Variants in MACROD2 observed in about 807,000 individuals in gnomAD.
MACROD2 encodes mono-ADP ribosylhydrolase 2.
Under a neutral mutation model 70.4 loss-of-function variants are expected in MACROD2, and 36 were observed. The ratio of observed to expected loss-of-function variants is 0.51; its 90% CI spans 0.39 to 0.68. The LOEUF is 0.68. Among genes scored for constraint, MACROD2 ranks in the 30% least tolerant of loss-of-function variants. The probability of loss-of-function intolerance (pLI) is 0.00; values close to 1 mark genes in which losing one functional copy is unlikely to be tolerated. For missense variants in MACROD2, 496 were observed against 538.4 expected (o/e 0.92, Z 0.78); for synonymous variants, 172 against 178.8 (o/e 0.96, Z 0.30).
At chr20:15,032,997 C>T (rs115561038) in intron 5 of MACROD2, among the ~76,000 whole-genome samples, 103 of 152,308 alleles carry the variant, frequency 6.8e-4, no homozygotes, top group African/African-American at 2.4e-3. Context: ...TATGATTCCA[C>T]TTATACGAGG....
intron 3 of MACROD2, chr20:14,325,248 T>C (rs1237739287): frequency 4.9e-6 from 1 of 203,572 alleles, no homozygotes; most frequent in Non-Finnish European, 9.8e-6. Flanking sequence ...CAAGTCATCT[T>C]ACTCAGTAGA....
chr20:14,721,396 C>G (rs1274697753), intron 5 of MACROD2, among the ~76,000 whole-genome samples: 1 of 152,014 alleles, frequency 6.6e-6, no homozygotes, highest in Non-Finnish European at 1.5e-5. Flanking sequence ...GATACTGTCT[C>G]AAAAACAAAT....
chr20:14,222,478 A>T (rs544005347), intron 3 of MACROD2, among the ~76,000 whole-genome samples: 1 of 152,270 alleles, frequency 6.6e-6, no homozygotes, highest in South Asian at 2.1e-4. Flanking sequence ...TGCAATGGAC[A>T]CTAGGAAGTG....
intron 6 of MACROD2, among the ~76,000 whole-genome samples, chr20:15,261,406 G>A (rs1372832847): frequency 1.3e-5 from 2 of 151,700 alleles, no homozygotes; most frequent in Non-Finnish European, 2.9e-5. Flanking sequence ...TTCTAATTGG[G>A]CAGTTTTGCA....
chr20:15,306,817 T>A (rs182532060), intron 6 of MACROD2, among the ~76,000 whole-genome samples: 67 of 152,288 alleles, frequency 4.4e-4, no homozygotes, highest in African/African-American at 1.5e-3. Flanking sequence ...TTAGTCCATG[T>A]TGTGTTGCTA....
intron 5 of MACROD2, among the ~76,000 whole-genome samples, chr20:14,741,976 A>G (rs1198160536): frequency 6.6e-6 from 1 of 152,170 alleles, no homozygotes; most frequent in Non-Finnish European, 1.5e-5. Flanking sequence ...AGACATTTTT[A>G]CTGTCATGAA....
chr20:15,598,166 A>G (rs770662712), intron 8 of MACROD2, among the ~76,000 whole-genome samples: 1 of 152,190 alleles, frequency 6.6e-6, no homozygotes, highest in Non-Finnish European at 1.5e-5. Context: ...ACCAGCTGGC[A>G]AAGGGGAAAG....
chr20:15,824,131 G>A (rs958141354), intron 8 of MACROD2, among the ~76,000 whole-genome samples: 6 of 152,154 alleles, frequency 3.9e-5, no homozygotes, highest in African/African-American at 1.2e-4. Flanking sequence ...TGACTGTACA[G>A]CTTCCTGATC....
intron 4 of MACROD2, chr20:14,627,087 C>T (rs1984213997): frequency 2.6e-5 from 4 of 152,154 alleles, no homozygotes; most frequent in Admixed American, 2.6e-4. Context: ...CTAGAATCCT[C>T]GAGGACCTGC....
At chr20:14,367,274 T>C (rs760938254) in intron 3 of MACROD2, among the ~76,000 whole-genome samples, 4 of 152,212 alleles carry the variant, frequency 2.6e-5, no homozygotes, top group Non-Finnish European at 4.4e-5. Flanking sequence ...TATGCATCTG[T>C]CTTTTAAATA....
intron 15 of MACROD2, among the ~76,000 whole-genome samples, chr20:16,012,870 A>G (rs2066881302): frequency 6.6e-6 from 1 of 152,196 alleles, no homozygotes; most frequent in Non-Finnish European, 1.5e-5. Flanking sequence ...TTAAAGATTT[A>G]CAGATAACCA....
At position 15,603,345 on chromosome 20, in the gene MACROD2, T is replaced by TAA. The variant is rs112466375; in HGVS notation, c.645+103510_645+103511dup. On this transcript the variant is annotated intron_variant, in intron 8 of 17. Coordinates refer to ENST00000684519, the MANE Select transcript of MACROD2 (RefSeq NM_001351661.2). ...AAACCCCATCTCTACTAAAAATATT[T>TAA]AAAAAAAAAAAAATTAGCCAGACAT... 1.9e-3 allele frequency among the ~76,000 whole-genome samples: 277 copies of TAA among 143,140 alleles called. 1 individual carries two copies. The highest frequency in any genetic ancestry group is 6.4e-3 in the African/African-American group (252 of 39,476). 93.9% of individuals were successfully genotyped at this position (143,140 alleles called of 152,430 possible).
intron 5 of MACROD2, among the ~76,000 whole-genome samples, chr20:14,851,906 C>T (rs2073203150): frequency 6.6e-6 from 1 of 152,102 alleles, no homozygotes; most frequent in Non-Finnish European, 1.5e-5. Context: ...TTTCTTGATG[C>T]TAGGGAGAAG....
intron 5 of MACROD2, among the ~76,000 whole-genome samples, chr20:15,202,664 A>C (rs2076666748): frequency 1.3e-5 from 2 of 152,194 alleles, no homozygotes; most frequent in African/African-American, 4.8e-5. Context: ...GGGTTCCTAC[A>C]ACTCAAGTGG....
chr20:14,155,149 T>G (rs2055082700), intron 3 of MACROD2, among the ~76,000 whole-genome samples: 1 of 152,190 alleles, frequency 6.6e-6, no homozygotes, highest in African/African-American at 2.4e-5. Flanking sequence ...GATACATGTA[T>G]ATATACACAC....
intron 5 of MACROD2, among the ~76,000 whole-genome samples, chr20:14,749,013 T>C (rs181088440): frequency 1.3e-5 from 2 of 152,256 alleles, no homozygotes; most frequent in Admixed American, 1.3e-4. Context: ...AAAGGAAATG[T>C]TTTTGCTAAC....
At chr20:14,761,381 G>A (rs2072013652) in intron 5 of MACROD2, among the ~76,000 whole-genome samples, 1 of 152,112 alleles carries the variant, frequency 6.6e-6, no homozygotes, top group East Asian at 1.9e-4. Context: ...TTTGAGTCAC[G>A]ATATCTATAC....
At chr20:15,934,980 C>T (rs552333565) in intron 11 of MACROD2, among the ~76,000 whole-genome samples, 2 of 146,878 alleles carry the variant, frequency 1.4e-5, no homozygotes, top group African/African-American at 5.0e-5. Context: ...CGAGCCACCA[C>T]ACCCAGGCCC....
intron 8 of MACROD2, among the ~76,000 whole-genome samples, chr20:15,832,868 ATTGCCAGGC>A (rs1212811284): frequency 2.6e-5 from 4 of 152,202 alleles, no homozygotes; most frequent in Admixed American, 1.3e-4. Context: ...AATCCCTTAA[ATTGCCAGGC>A]TCTTATAATT....
Sources: gnomAD v4.1 joint callset for allele counts (sites outside exome capture counted in the v4.1 genomes callset) on GRCh38, gnomAD v4.1.1 for gene constraint, MANE v1.5 for transcripts, NCBI Gene and HGNC (gene_info 2026-07-23, HGNC 2026-07-21) for gene names.